The following TNRC18 variants were observed in gnomAD, a reference collection of about 807,000 sequenced individuals.
The protein encoded by TNRC18 is trinucleotide repeat-containing gene 18 protein.
TNRC18 carries 69 observed loss-of-function variants against 226.7 expected under a neutral mutation model. That is an observed-to-expected ratio of 0.30 (90% CI 0.25 to 0.37). TNRC18 has a LOEUF of 0.37. Ranked by LOEUF, TNRC18 falls within the 10% of genes least tolerant of loss-of-function variation. TNRC18 has a pLI of 1.00. For synonymous variants in TNRC18, 2,449 were observed against 1,927.6 expected (o/e 1.27, Z -7.09); for missense variants, 4,754 against 4,256.6 (o/e 1.12, Z -3.25).
Position 5,313,292 on chromosome 7 carries a change from G to A in TNRC18, c.7599C>T (p.Leu2533=), listed in dbSNP as rs369889540. The A allele has an allele frequency of 7.5e-5, 116 of 1,548,476 alleles. 1 individual carries two copies. The East Asian group carries it at 1.3e-3, about 18-fold the overall frequency. The change falls in exon 27 of 30, where the codon CTC becomes CTT. Residue 2533 remains leucine (L), a synonymous_variant. Coordinates refer to ENST00000430969, the MANE Select transcript of TNRC18 (RefSeq NM_001080495.3). ...TGGGGTTCCCAGAGTCCTCGAACGT[G>A]AGCCCCGGCCCGGGCTCCTGGGCGA... ...GDLAQEPGPG[L]TFEDSGNPKS...
At chr7:5,334,172 C>G (rs188992277) in intron 18 of TNRC18, among the ~76,000 whole-genome samples, 6 of 152,210 alleles carry the variant, frequency 3.9e-5, no homozygotes, top group Admixed American at 3.3e-4. Flanking sequence ...CTACTGACCC[C>G]GGGGGGCAGC....
At chr7:5,403,969 G>C (rs1229888844) in intron 2 of TNRC18, among the ~76,000 whole-genome samples, 2 of 152,136 alleles carry the variant, frequency 1.3e-5, no homozygotes, top group Admixed American at 6.5e-5. Flanking sequence ...CCTCTAGATA[G>C]AATGACCTTC....
chr7:5,396,252 G>A (rs578031195), intron 2 of TNRC18, among the ~76,000 whole-genome samples: 1 of 152,056 alleles, frequency 6.6e-6, no homozygotes, highest in Admixed American at 6.6e-5. Context: ...GGAGGCTGAG[G>A]CAGGAGAATC....
At position 5,350,056 on chromosome 7, in the gene TNRC18, G is replaced by A. The variant is rs150285968; in HGVS notation, c.5470+1763C>T. On this transcript the variant is annotated intron_variant, in intron 17 of 29. Transcript: ENST00000430969. ...TGTGGGGTCTCAGCTGGGGCAGGAG[G>A]GCTCAAAAACTTGGAAGCGGAAACC... 4.1e-3 allele frequency among the ~76,000 whole-genome samples: 631 copies of A among 152,292 alleles called. 3 individuals carry two copies. Among genetic ancestry groups the A allele is most frequent in the African/African-American group, 0.015 (608 of 41,566 alleles).
At chr7:5,397,637 C>T (rs1160692201) in intron 2 of TNRC18, among the ~76,000 whole-genome samples, 4 of 152,220 alleles carry the variant, frequency 2.6e-5, no homozygotes, top group African/African-American at 9.6e-5. Context: ...CAAACTTCTC[C>T]CTGGTCACGT....
chr7:5,369,804 C>T (rs1583946205), intron 11 of TNRC18, among the ~76,000 whole-genome samples: 1 of 152,268 alleles, frequency 6.6e-6, no homozygotes, highest in East Asian at 1.9e-4. Context: ...CCTGCTAAAA[C>T]ACACCATCAA....
intron 19 of TNRC18, among the ~76,000 whole-genome samples, chr7:5,329,025 A>G (rs1789231868): frequency 6.6e-6 from 1 of 152,054 alleles, no homozygotes; most frequent in Non-Finnish European, 1.5e-5. Context: ...ATAGAAGGCC[A>G]GGCGTGGTGG....
Position 5,377,848 on chromosome 7 carries a change from G to T in TNRC18, c.2255+74C>A. The T allele has an allele frequency of 1.4e-6, 2 of 1,453,314 alleles. No homozygotes were observed. The highest frequency in any genetic ancestry group is 1.2e-5 in the South Asian group (1 of 85,140). The allele number at this position is 1,453,314 out of a possible 1,614,324, so 90.0% of individuals were successfully genotyped here. ...GGTCGAGGGGCCAAGCCCACCTGGG[G>T]TCATCCAGCTGCCCCTCACCCCCAG... On this transcript the variant is annotated intron_variant, in intron 6 of 29. Transcript: ENST00000430969. The surrounding 1 kb of genome is among the most constrained non-coding windows in gnomAD (Gnocchi z 5.8).
At chr7:5,329,918 T>C in intron 19 of TNRC18, 1 of 471,084 alleles carries the variant, frequency 2.1e-6, no homozygotes, top group South Asian at 1.5e-5. Flanking sequence ...TATATCCAGC[T>C]ATAATACCAG....
chr7:5,355,160 G>A (rs767699361), intron 16 of TNRC18, among the ~76,000 whole-genome samples: 9 of 152,176 alleles, frequency 5.9e-5, no homozygotes, highest in South Asian at 2.1e-4. Flanking sequence ...GCACCTGTCC[G>A]CCCTGGGCAT....
At chr7:5,389,367 G>T in intron 4 of TNRC18, 31 bp from the exon 5 acceptor site, 1 of 1,242,906 alleles carries the variant, frequency 8.0e-7, no homozygotes, top group South Asian at 3.6e-5. Context: ...GGCAGTGAGC[G>T]AGCGCCACCT....
rs1788313147 is a variant in TNRC18, at chr7:5,321,155, T to C, written c.6478A>G (p.Lys2160Glu). The C allele has an allele frequency of 4.5e-6, 7 of 1,553,520 alleles. No homozygotes were observed. The highest frequency in any genetic ancestry group is 6.1e-6 in the Non-Finnish European group (7 of 1,149,300). The change falls in exon 22 of 30, where the codon AAG (lysine) becomes GAG (glutamate). Residue 2160 changes from lysine (K) to glutamate (E), a missense_variant. By Grantham distance (56) the Lys-to-Glu change is moderately conservative (BLOSUM62 1). Transcript: ENST00000430969. ...GGGATGAGCACACGCAGGCCGTCCT[T>C]CAGCTCATCCTTGTCGATGATGCAG... ...RSCIIDKDELKDGLRVLIPMD... is the reference protein window; with the variant it reads ...RSCIIDKDELEDGLRVLIPMD...
chr7:5,345,478 C>T, intron 18 of TNRC18, 84 bp downstream of exon 18: 2 of 1,312,570 alleles, frequency 1.5e-6, no homozygotes, highest in Non-Finnish European at 2.1e-6. Flanking sequence ...CATCTCTGAG[C>T]CTCAGTTTCC....
At chr7:5,340,082 T>C (rs926643514) in intron 18 of TNRC18, among the ~76,000 whole-genome samples, 5 of 152,122 alleles carry the variant, frequency 3.3e-5, no homozygotes, top group Admixed American at 2.0e-4. Flanking sequence ...AATCGAAAGC[T>C]AGAAATGATT....
intron 18 of TNRC18, 45 bp downstream of exon 18, chr7:5,345,517 G>GGGGGGGGCGCCC: frequency 2.6e-6 from 1 of 377,744 alleles, no homozygotes; most frequent in Non-Finnish European, 4.8e-6. Context: ...AATGGCGTCC[G>GGGGGGGGCGCCC]CCCCTCCCAC....
intron 11 of TNRC18, among the ~76,000 whole-genome samples, chr7:5,364,392 A>T (rs1793391877): frequency 1.3e-5 from 2 of 151,718 alleles, no homozygotes; most frequent in South Asian, 4.2e-4. Context: ...CAGGAAGTTG[A>T]GACTGCAGTA....
chr7:5,311,498 G>A (rs1051688311), intron 27 of TNRC18, among the ~76,000 whole-genome samples: 31 of 152,208 alleles, frequency 2.0e-4, no homozygotes, highest in African/African-American at 5.8e-4. Context: ...CCAGGAGCCC[G>A]GGGCGTGGCT....
At chr7:5,358,958 C>G (rs78386537) in intron 15 of TNRC18, among the ~76,000 whole-genome samples, 2,704 of 152,360 alleles carry the variant, frequency 0.018, 85 homozygotes, top group African/African-American at 0.062. Context: ...GGAGTTGGCT[C>G]TCAGCCCATT....
chr7:5,372,858 C>T (rs766175173), intron 10 of TNRC18, among the ~76,000 whole-genome samples: 12 of 151,920 alleles, frequency 7.9e-5, no homozygotes, highest in Non-Finnish European at 1.2e-4. Context: ...CACATCTGTA[C>T]AAATATAAAA....
Sources: allele counts gnomAD v4.1 joint callset (sites outside exome capture counted in the v4.1 genomes callset), GRCh38; gene constraint gnomAD v4.1.1; non-coding constraint Gnocchi (gnomAD v3.1); transcripts MANE v1.5; gene names NCBI Gene and HGNC (gene_info 2026-07-23, HGNC 2026-07-21).